Variants in SPRED2 observed in about 807,000 individuals in gnomAD.
SPRED2 encodes sprouty-related, EVH1 domain-containing protein 2.
A neutral mutation model predicts 43.0 loss-of-function variants in SPRED2; 47 were observed. The observed-to-expected ratio is 1.09, with a 90% confidence interval of 0.87 to 1.40. The LOEUF is 1.40. Among genes scored for constraint, SPRED2 ranks in the 40% most tolerant of loss-of-function variants. The pLI, the probability that SPRED2 is intolerant of heterozygous loss-of-function variation, is 0.00. For synonymous variants in SPRED2, 225 were observed against 225.7 expected (o/e 1.00, Z 0.03); for missense variants, 561 against 586.4 (o/e 0.96, Z 0.45).
chr2:65,364,104 C>T (rs552430591), intron 1 of SPRED2, among the ~76,000 whole-genome samples: 54 of 152,274 alleles, frequency 3.5e-4, no homozygotes, highest in Admixed American at 8.5e-4. Context: ...TCTTGATTTC[C>T]ATCCAAGCAG....
At chr2:65,342,228 T>C (rs1674208461) in intron 2 of SPRED2, among the ~76,000 whole-genome samples, 1 of 146,226 alleles carries the variant, frequency 6.8e-6, no homozygotes, top group South Asian at 2.1e-4. Flanking sequence ...ATACGTATAT[T>C]ATGTATGTAT....
chr2:65,430,496 GAGT>G (rs1676651563), intron 1 of SPRED2, among the ~76,000 whole-genome samples: 1 of 152,210 alleles, frequency 6.6e-6, no homozygotes, highest in Admixed American at 6.5e-5. Flanking sequence ...TTAATAAAGT[GAGT>G]AGATTTCCTA....
intron 1 of SPRED2, among the ~76,000 whole-genome samples, chr2:65,351,380 T>G (rs1674506657): frequency 6.6e-6 from 1 of 152,154 alleles, no homozygotes; most frequent in Non-Finnish European, 1.5e-5. Flanking sequence ...ACCTCCCCCA[T>G]AAATACTTCC....
chr2:65,342,291 G>A (rs1406324041), intron 2 of SPRED2, among the ~76,000 whole-genome samples: 1 of 140,302 alleles, frequency 7.1e-6, no homozygotes, highest in South Asian at 2.2e-4. Flanking sequence ...TATTATGTAT[G>A]TATATTTTGT....
intron 2 of SPRED2, among the ~76,000 whole-genome samples, chr2:65,341,104 C>G (rs368476416): frequency 8.7e-5 from 12 of 137,180 alleles, no homozygotes; most frequent in African/African-American, 3.4e-4. Context: ...TGGGTACGGG[C>G]GTGTGTGTGT....
At chr2:65,324,018 T>C (rs1572837805) in intron 4 of SPRED2, among the ~76,000 whole-genome samples, 1 of 151,668 alleles carries the variant, frequency 6.6e-6, no homozygotes, top group East Asian at 1.9e-4. Flanking sequence ...TGAGCAGTCC[T>C]CAAGCACCAG....
At chr2:65,363,219 A>G (rs1288183800) in intron 1 of SPRED2, among the ~76,000 whole-genome samples, 3 of 140,278 alleles carry the variant, frequency 2.1e-5, no homozygotes, top group South Asian at 4.7e-4. Flanking sequence ...ACCCTGGGCA[A>G]TAAGAGCAAA....
At chr2:65,321,872 A>G (rs990716956) in intron 4 of SPRED2, among the ~76,000 whole-genome samples, 1 of 152,224 alleles carries the variant, frequency 6.6e-6, no homozygotes, top group South Asian at 2.1e-4. Flanking sequence ...TCCTGGGTTC[A>G]AGCGATTCTC....
chr2:65,382,327 CA>C (rs1300044891), intron 1 of SPRED2, among the ~76,000 whole-genome samples: 5 of 152,134 alleles, frequency 3.3e-5, no homozygotes, highest in African/African-American at 9.7e-5. Context: ...AAAAAAAAGC[CA>C]GGGGGGGTGC....
chr2:65,406,924 A>G (rs1462580843), intron 1 of SPRED2, among the ~76,000 whole-genome samples: 1 of 149,830 alleles, frequency 6.7e-6, no homozygotes, highest in Non-Finnish European at 1.5e-5. Flanking sequence ...TGGAAAGTTT[A>G]GTCTCTCTTT....
chr2:65,325,259 T>G (rs1481416442), intron 4 of SPRED2, among the ~76,000 whole-genome samples: 1 of 152,234 alleles, frequency 6.6e-6, no homozygotes, highest in Non-Finnish European at 1.5e-5. Flanking sequence ...AATCACAATG[T>G]GCAAAGAGCC....
intron 1 of SPRED2, among the ~76,000 whole-genome samples, chr2:65,345,419 C>T (rs1277689330): frequency 1.3e-5 from 2 of 151,960 alleles, no homozygotes; most frequent in African/African-American, 4.8e-5. Context: ...TGCCACCATG[C>T]CTGGCTAGTT....
intron 4 of SPRED2, among the ~76,000 whole-genome samples, chr2:65,324,590 G>A (rs1673548334): frequency 1.3e-5 from 2 of 152,162 alleles, no homozygotes; most frequent in Admixed American, 1.3e-4. Context: ...CTTATGGAGG[G>A]ACCTTGAGTT....
At chr2:65,421,965 A>G (rs113396477) in intron 1 of SPRED2, among the ~76,000 whole-genome samples, 1,971 of 152,206 alleles carry the variant, frequency 0.013, 42 homozygotes, top group African/African-American at 0.045. Flanking sequence ...TGTGTGTGAG[A>G]CCTCAGGCAA....
At chr2:65,399,591 G>A (rs1284979198) in intron 1 of SPRED2, among the ~76,000 whole-genome samples, 3 of 151,820 alleles carry the variant, frequency 2.0e-5, no homozygotes, top group Non-Finnish European at 2.9e-5. Flanking sequence ...CCATGTTGGC[G>A]AGGCTGGTCT....
At position 65,313,622 on chromosome 2, in the gene SPRED2, A is replaced by G; in HGVS notation, c.1136T>C (p.Met379Thr). The G allele has an allele frequency of 6.2e-7, 1 of 1,614,188 alleles. No homozygotes were observed. The highest frequency in any genetic ancestry group is 8.5e-7 in the Non-Finnish European group (1 of 1,180,014). ...CAGGAAAGACAAGGCAATAAGAGCC[A>G]TCCACCGGAGGCAAAACTTCTCGTC... ...TSDEKFCLRW[M>T]ALIALSFLAP... Residue 379 changes from methionine (M) to threonine (T), a missense_variant, in exon 6 of 6, where the codon ATG (methionine) becomes ACG (threonine). Met to Thr is a moderately conservative substitution (Grantham distance 81). Around this residue, in one of 6 missense-constraint regions of SPRED2, gnomAD observed 65 missense variants for 60.2 expected, o/e 1.08. Transcript: ENST00000356388.
intron 1 of SPRED2, chr2:65,380,765 A>T (rs1250402019): frequency 1.3e-5 from 2 of 152,212 alleles, no homozygotes; most frequent in Non-Finnish European, 2.9e-5. Context: ...ATGGCTTTGA[A>T]AGATATAACA....
intron 1 of SPRED2, among the ~76,000 whole-genome samples, chr2:65,421,492 A>G (rs1181516654): frequency 6.6e-6 from 1 of 152,216 alleles, no homozygotes; most frequent in East Asian, 1.9e-4. Flanking sequence ...GGGAATCCCT[A>G]TGTAAGCTCA....
intron 1 of SPRED2, among the ~76,000 whole-genome samples, chr2:65,361,038 C>G (rs916945340): frequency 1.3e-5 from 2 of 152,120 alleles, no homozygotes; most frequent in African/African-American, 4.8e-5. Flanking sequence ...GACCTCATCT[C>G]TATTTTTATT....
Sources: gnomAD v4.1 joint callset for allele counts (sites outside exome capture counted in the v4.1 genomes callset) on GRCh38, gnomAD v4.1.1 for gene constraint, gnomAD v4.1.1 regional missense constraint, MANE v1.5 for transcripts, NCBI Gene and HGNC (gene_info 2026-07-23, HGNC 2026-07-21) for gene names.